The following UHRF2 variants were observed in gnomAD, a reference collection of about 807,000 sequenced individuals.
UHRF2 encodes ubiquitin like with PHD and ring finger domains 2, also known as E3 ubiquitin-protein ligase UHRF2.
UHRF2 carries 23 observed loss-of-function variants against 96.8 expected under a neutral mutation model. That is an observed-to-expected ratio of 0.24 (90% CI 0.17 to 0.34). The LOEUF is 0.34. Ranked by LOEUF, UHRF2 falls within the 10% of genes least tolerant of loss-of-function variation. The pLI is 1.00. For synonymous variants in UHRF2, 385 were observed against 332.6 expected, an observed-to-expected ratio of 1.16 and a Z score of -1.72; for missense variants, 685 against 981.5, an observed-to-expected ratio of 0.70 and a Z score of 4.04.
At chr9:6,481,301 A>G (rs1396353523) in intron 6 of UHRF2, among the ~76,000 whole-genome samples, 2 of 152,200 alleles carry the variant, frequency 1.3e-5, no homozygotes, top group Non-Finnish European at 2.9e-5. Flanking sequence ...TTCTAGGAAG[A>G]TCTAGCTACT....
intron 4 of UHRF2, among the ~76,000 whole-genome samples, chr9:6,473,580 T>C (rs1042005214): frequency 6.6e-6 from 1 of 152,168 alleles, no homozygotes; most frequent in Non-Finnish European, 1.5e-5. Context: ...CTGATGGAAA[T>C]AGACCTATGA....
chr9:6,466,045 G>T (rs1178562315), intron 4 of UHRF2, among the ~76,000 whole-genome samples: 1 of 152,158 alleles, frequency 6.6e-6, no homozygotes, highest in African/African-American at 2.4e-5. Context: ...TGCTGATTTA[G>T]ATATTTGTAA....
chr9:6,418,757 T>C (rs556650078), intron 1 of UHRF2, among the ~76,000 whole-genome samples: 1 of 152,310 alleles, frequency 6.6e-6, no homozygotes, highest in South Asian at 2.1e-4. Flanking sequence ...CTGAACTTTA[T>C]AAAGAAACAA....
chr9:6,424,754 T>G (rs867822656), intron 2 of UHRF2, among the ~76,000 whole-genome samples: 4 of 151,480 alleles, frequency 2.6e-5, no homozygotes, highest in African/African-American at 9.7e-5. Context: ...TCCTTTGACA[T>G]TGACTGTGAC....
intron 3 of UHRF2, among the ~76,000 whole-genome samples, 185 bp from the exon 4 acceptor site, chr9:6,460,388 T>C (rs180860849): frequency 6.6e-6 from 1 of 152,314 alleles, no homozygotes; most frequent in African/African-American, 2.4e-5. Flanking sequence ...GAAACTACCC[T>C]GTAGGTATCG....
chr9:6,457,163 T>G (rs916783321), intron 3 of UHRF2, among the ~76,000 whole-genome samples: 1 of 152,224 alleles, frequency 6.6e-6, no homozygotes, highest in African/African-American at 2.4e-5. Flanking sequence ...TCCATTTGTT[T>G]GTGTCCTCTT....
intron 9 of UHRF2, among the ~76,000 whole-genome samples, chr9:6,493,391 C>G (rs1186024255): frequency 6.6e-6 from 1 of 152,082 alleles, no homozygotes; most frequent in Non-Finnish European, 1.5e-5. Context: ...AGGCAGCACA[C>G]TTAGGTATGG....
At chr9:6,505,930 TTCTC>T in intron 15 of UHRF2, 99 bp from the exon 16 acceptor site, 1 of 1,203,164 alleles carries the variant, frequency 8.3e-7, no homozygotes, top group Non-Finnish European at 1.2e-6. Context: ...TTCTGTACAT[TTCTC>T]TCATTACCAG....
chr9:6,469,908 C>T (rs539093723), intron 4 of UHRF2, among the ~76,000 whole-genome samples: 1 of 151,822 alleles, frequency 6.6e-6, no homozygotes, highest in East Asian at 1.9e-4. Context: ...AAGTTCAGGT[C>T]AAAGAAGTTC....
intron 4 of UHRF2, among the ~76,000 whole-genome samples, chr9:6,462,480 C>G (rs1426260888): frequency 6.6e-6 from 1 of 152,124 alleles, no homozygotes; most frequent in Non-Finnish European, 1.5e-5. Flanking sequence ...GATATGGATG[C>G]AAATCATGAA....
intron 3 of UHRF2, among the ~76,000 whole-genome samples, chr9:6,434,853 C>G (rs1713983040): frequency 6.6e-6 from 1 of 151,888 alleles, no homozygotes; most frequent in Non-Finnish European, 1.5e-5. Context: ...GGGGTGGGGA[C>G]CGGGTCCCAC....
chr9:6,492,353 G>A (rs1253991349), intron 9 of UHRF2: 3 of 1,220,866 alleles, frequency 2.5e-6, no homozygotes, highest in South Asian at 1.4e-5. Context: ...GATACCGGGT[G>A]GAAGACTGGT....
intron 5 of UHRF2, 26 bp from the exon 6 acceptor site, chr9:6,477,596 A>G: frequency 2.6e-6 from 4 of 1,565,478 alleles, no homozygotes; most frequent in Non-Finnish European, 3.5e-6. Flanking sequence ...TTAAGACTAG[A>G]CTTGCTATAA....
intron 3 of UHRF2, among the ~76,000 whole-genome samples, chr9:6,450,291 G>C (rs1821777266): frequency 6.8e-6 from 1 of 147,108 alleles, no homozygotes; most frequent in African/African-American, 2.5e-5. Flanking sequence ...TCTATCTACA[G>C]ATTTCTTCCC....
At chr9:6,438,464 C>G (rs1228614193) in intron 3 of UHRF2, among the ~76,000 whole-genome samples, 2 of 152,184 alleles carry the variant, frequency 1.3e-5, no homozygotes, top group South Asian at 2.1e-4. Context: ...GGTTACCATC[C>G]CATTGCATTT....
chr9:6,458,576 A>G (rs1021641355), intron 3 of UHRF2, among the ~76,000 whole-genome samples: 3 of 151,744 alleles, frequency 2.0e-5, no homozygotes, highest in African/African-American at 7.3e-5. Context: ...AGTTCTTTTA[A>G]TGGTGGAGAG....
chr9:6,423,307 G>A (rs1198940196), intron 2 of UHRF2, among the ~76,000 whole-genome samples: 2 of 152,054 alleles, frequency 1.3e-5, no homozygotes, highest in African/African-American at 2.4e-5. Flanking sequence ...ACATAAAGAA[G>A]GAAAGCTTCC....
chr9:6,499,573 TA>T (rs970134634), intron 12 of UHRF2: 3 of 229,560 alleles, frequency 1.3e-5, no homozygotes, highest in Admixed American at 5.5e-5. Flanking sequence ...CCTGAAGACT[TA>T]CCTTTCTTAG....
At chr9:6,467,721 T>C (rs1822964110) in intron 4 of UHRF2, among the ~76,000 whole-genome samples, 1 of 151,632 alleles carries the variant, frequency 6.6e-6, no homozygotes, top group African/African-American at 2.4e-5. Context: ...TACTAGTCAC[T>C]TGGGAGTGCC....
Sources: allele counts gnomAD v4.1 joint callset (sites outside exome capture counted in the v4.1 genomes callset), GRCh38; gene constraint gnomAD v4.1.1; transcripts MANE v1.5; gene names NCBI Gene and HGNC (gene_info 2026-07-23, HGNC 2026-07-21).